The following ATP1A1 variants were observed in gnomAD, a reference collection of about 807,000 sequenced individuals.
The protein encoded by ATP1A1 is ATPase Na+/K+ transporting subunit alpha 1, also known as sodium/potassium-transporting ATPase subunit alpha-1.
Under a neutral mutation model 114.8 loss-of-function variants are expected in ATP1A1, and 14 were observed. The observed-to-expected ratio is 0.12, with a 90% CI of 0.08 to 0.19. ATP1A1 has a LOEUF of 0.19. Ranked by LOEUF, ATP1A1 falls within the 10% of genes least tolerant of loss-of-function variation. ATP1A1 has a pLI of 1.00. For missense variants in ATP1A1, 524 were observed against 1,290.7 expected (o/e 0.41, Z 9.10); for synonymous variants, 471 against 466.3 (o/e 1.01, Z -0.13).
intron 10 of ATP1A1, 69 bp downstream of exon 10, chr1:116,390,960 G>C (rs887975128): frequency 7.3e-7 from 1 of 1,367,222 alleles, no homozygotes; most frequent in African/African-American, 1.4e-5. Flanking sequence ...AGTGTTAAAA[G>C]TAGCAAATTA....
rs1652157772 is a variant in ATP1A1, at chr1:116,387,181, T to C, written c.184-107T>C. ...ACCTTGGCTCTCTAGCTTGGGACAT[T>C]TTGTTTCTTCCTTAAATCCTTATTG... is the stretch of plus-strand genomic sequence containing the variant. On this transcript the variant is annotated intron_variant, in intron 3 of 22. Transcript: ENST00000295598. The surrounding 1 kb of genome is among the most constrained non-coding windows in gnomAD (Gnocchi z 6.7). 7.6e-7 allele frequency: 1 copy of C among 1,323,028 alleles called. No homozygotes were observed. Among genetic ancestry groups the C allele is most frequent in the Non-Finnish European group, 1.0e-6 (1 of 956,822 alleles). 82.0% of individuals were successfully genotyped at this position (1,323,028 alleles called of 1,614,324 possible). A position where few individuals can be genotyped will look rare whatever the true frequency, so the allele number is the denominator to read the frequency against.
Position 116,390,843 on chromosome 1 carries a change from T to C in ATP1A1, c.1284T>C (p.Cys428=). Residue 428 remains cysteine, a synonymous_variant, in exon 10 of 23, where the codon TGT becomes TGC. Coordinates refer to ENST00000295598, the MANE Select transcript of ATP1A1 (RefSeq NM_000701.8). Reference sequence around the variant, plus strand: ...CTCTGTCCAGAATTGCAGGTCTTTGTAACAGGGCAGTGTTTCAGGCTAACC... The same window carrying C: ...CTCTGTCCAGAATTGCAGGTCTTTGCAACAGGGCAGTGTTTCAGGCTAACC... ...WLALSRIAGL[C]NRAVFQANQE... is the part of the protein sequence containing the mutation. The C allele has an allele frequency of 6.2e-7, 1 of 1,614,250 alleles. No individual in the cohort carries two copies. The highest frequency in any genetic ancestry group is 8.5e-7 in the Non-Finnish European group (1 of 1,180,040).
At position 116,393,425 on chromosome 1, in the gene ATP1A1, T is replaced by G. The variant is rs944994318; in HGVS notation, c.1468-106T>G. The stretch of plus-strand genomic sequence containing the variant: ...TTCAGAGTTCAGAAAGAAGGGATCT[T>G]GGGTCTTTTATAGCAAATACTAAAT... On this transcript the variant is annotated intron_variant, in intron 11 of 22. Coordinates refer to ENST00000295598, the MANE Select transcript of ATP1A1 (RefSeq NM_000701.8). This position sits in a 1 kb window ranked among gnomAD's most constrained non-coding sequence, Gnocchi z 5.0. 2 of 1,275,192 alleles carry G rather than the reference T, an allele frequency of 1.6e-6. No individual in the cohort carries two copies. Among genetic ancestry groups the G allele is most frequent in the African/African-American group, 3.0e-5 (2 of 66,836 alleles). 79.0% of individuals were successfully genotyped at this position (1,275,192 alleles called of 1,614,324 possible). A position where few individuals can be genotyped will look rare whatever the true frequency, so the allele number is the denominator to read the frequency against.
chr1:116,398,141 T>C lies in ATP1A1; in HGVS notation c.2124+103T>C, dbSNP rs1653095198. 6.9e-7 allele frequency: 1 copy of C among 1,458,476 alleles called. No homozygotes were observed. 90.3% of individuals were successfully genotyped at this position (1,458,476 alleles called of 1,614,324 possible). ...GGTGATGGATGGATGCATACCTCGCTGTATTAGACTCAGTATAAATAGGCC... is the reference window on the plus strand; with the variant it reads ...GGTGATGGATGGATGCATACCTCGCCGTATTAGACTCAGTATAAATAGGCC... On this transcript the variant is annotated intron_variant, in intron 15 of 22. Transcript: ENST00000295598. This position sits in a 1 kb window ranked among gnomAD's most constrained non-coding sequence, Gnocchi z 6.1.
intron 10 of ATP1A1, 119 bp downstream of exon 10, chr1:116,391,010 G>A: frequency 1.2e-6 from 1 of 848,008 alleles, no homozygotes; most frequent in East Asian, 2.5e-5. Context: ...AGAACACCTG[G>A]AGTGGTCTGT....
chr1:116,379,109 T>G (rs182565491), intron 1 of ATP1A1, among the ~76,000 whole-genome samples: 5 of 152,324 alleles, frequency 3.3e-5, no homozygotes, highest in Admixed American at 2.0e-4. Context: ...GGGTAGGCTG[T>G]CAGGCTCATT....
At position 116,374,325 on chromosome 1, in the gene ATP1A1, G is replaced by A. The variant is rs1010250113; in HGVS notation, c.12+802G>A. 1.1e-5 allele frequency: 17 copies of A among 1,545,840 alleles called. No homozygotes were observed. The African/African-American group carries it at 1.9e-4, about 17-fold the overall frequency. On this transcript the variant is annotated intron_variant, in intron 1 of 22. Coordinates refer to ENST00000295598, the MANE Select transcript of ATP1A1 (RefSeq NM_000701.8). ...AACTGGAGTTGTCATCCGATGGTGG[G>A]GAGAGGCGTGCAGATTTTTTTTGAA... is the stretch of plus-strand genomic sequence containing the variant.
Position 116,384,148 on chromosome 1 carries a change from A to T in ATP1A1, c.123+24A>T. On this transcript the variant is annotated intron_variant, in intron 2 of 22. Coordinates refer to ENST00000295598, the MANE Select transcript of ATP1A1 (RefSeq NM_000701.8). This position sits in a 1 kb window ranked among gnomAD's most constrained non-coding sequence, Gnocchi z 5.1. ...TGGTAAGTACTAGGAGGAATATTGTATTCCATCCTTATTAAAAATCCATGA... is the reference window on the plus strand; with the variant it reads ...TGGTAAGTACTAGGAGGAATATTGTTTTCCATCCTTATTAAAAATCCATGA... The T allele has an allele frequency of 6.3e-7, 1 of 1,577,796 alleles. No homozygotes were observed. Among genetic ancestry groups the T allele is most frequent in the Non-Finnish European group, 8.7e-7 (1 of 1,148,990 alleles).
chr1:116,374,077 C>A (rs1437808454), intron 1 of ATP1A1: 3 of 1,416,544 alleles, frequency 2.1e-6, no homozygotes, highest in Non-Finnish European at 2.8e-6. Context: ...GGGCAGCCTC[C>A]GGGTTCGGGG....
intron 12 of ATP1A1, among the ~76,000 whole-genome samples, chr1:116,394,148 G>A (rs1375165899): frequency 1.3e-5 from 2 of 152,196 alleles, no homozygotes; most frequent in Non-Finnish European, 2.9e-5. Context: ...TGGAATGGGT[G>A]TGAATTTACA....
chr1:116,379,775 T>C (rs1651620836), intron 1 of ATP1A1, among the ~76,000 whole-genome samples: 2 of 152,214 alleles, frequency 1.3e-5, no homozygotes, highest in Admixed American at 1.3e-4. Context: ...TTGTGTTGGA[T>C]GATTTAATAA....
At chr1:116,402,264 G>T (rs1327881466) in intron 21 of ATP1A1, among the ~76,000 whole-genome samples, 3 of 152,214 alleles carry the variant, frequency 2.0e-5, no homozygotes, top group Admixed American at 6.5e-5. Context: ...AACTCCGTTA[G>T]TTTTTTGCAA....
chr1:116,383,904 A>G (rs1651902254), intron 1 of ATP1A1, 110 bp from the exon 2 acceptor site: 5 of 863,616 alleles, frequency 5.8e-6, no homozygotes, highest in Non-Finnish European at 5.6e-6. Context: ...CTTAATGACT[A>G]TTCCAAATTA....
intron 9 of ATP1A1, 71 bp downstream of exon 9, chr1:116,390,482 G>A (rs1223692200): frequency 4.7e-5 from 65 of 1,385,564 alleles, no homozygotes; most frequent in Non-Finnish European, 6.1e-5. Flanking sequence ...TTAAGAAATT[G>A]CATGAAATTT....
chr1:116,379,105 G>T (rs1478829060), intron 1 of ATP1A1, among the ~76,000 whole-genome samples: 1 of 152,150 alleles, frequency 6.6e-6, no homozygotes, highest in Non-Finnish European at 1.5e-5. Flanking sequence ...GGTAGGGTAG[G>T]CTGTCAGGCT....
chr1:116,373,946 C>T, intron 1 of ATP1A1: 2 of 1,344,890 alleles, frequency 1.5e-6, no homozygotes, highest in African/African-American at 1.5e-5. Flanking sequence ...ACCTCCTTCT[C>T]CTTCCTTTTC....
chr1:116,403,610 G>A (rs1394615565), intron 21 of ATP1A1, among the ~76,000 whole-genome samples: 2 of 152,186 alleles, frequency 1.3e-5, no homozygotes, highest in Non-Finnish European at 2.9e-5. Context: ...TATAAACCAA[G>A]TCTTATGAAA....
chr1:116,389,940 C>T lies in ATP1A1; in HGVS notation c.1023+233C>T. The T allele has an allele frequency of 1.4e-6, 1 of 725,306 alleles. No individual in the cohort carries two copies. Among genetic ancestry groups the T allele is most frequent in the Non-Finnish European group, 2.2e-6 (1 of 452,340 alleles). The allele number at this position is 725,306 out of a possible 1,614,324, so 44.9% of individuals were successfully genotyped here. On this transcript the variant is annotated intron_variant, in intron 8 of 22. Coordinates refer to ENST00000295598, the MANE Select transcript of ATP1A1 (RefSeq NM_000701.8). This position sits in a 1 kb window ranked among gnomAD's most constrained non-coding sequence, Gnocchi z 6.9. ...TTTGCTTTTAAATTATCACGTGGTC[C>T]TGAACAGTGCAGTGGAGAAAGGAGA...
chr1:116,400,916 C>T lies in ATP1A1; in HGVS notation c.2628C>T (p.Asn876=), dbSNP rs368053168. The T allele has an allele frequency of 1.1e-5, 18 of 1,614,104 alleles. No individual in the cohort carries two copies. Among genetic ancestry groups the T allele is most frequent in the East Asian group, 2.2e-5 (1 of 44,898 alleles). Residue 876 remains asparagine (N), a synonymous_variant, in exon 19 of 23, where the codon AAC becomes AAT. Coordinates refer to ENST00000295598, the MANE Select transcript of ATP1A1 (RefSeq NM_000701.8). ...FFTYFVILAE[N]GFLPIHLLGL... is the part of the protein sequence containing the mutation. ...CTTACTTTGTGATTCTGGCTGAGAA[C>T]GGCTTCCTCCCAATTCACCTGTTGG... is the stretch of plus-strand genomic sequence containing the variant.
Sources: allele counts gnomAD v4.1 joint callset (sites outside exome capture counted in the v4.1 genomes callset), GRCh38; gene constraint gnomAD v4.1.1; non-coding constraint Gnocchi (gnomAD v3.1); transcripts MANE v1.5; gene names NCBI Gene and HGNC (gene_info 2026-07-23, HGNC 2026-07-21).